The following MVB12B variants were observed in gnomAD, a reference collection of about 807,000 sequenced individuals.
MVB12B encodes the protein ESCRT-I complex subunit MVB12B.
A neutral mutation model predicts 41.6 loss-of-function variants in MVB12B; 16 were observed. The observed-to-expected ratio is 0.38, with a 90% CI of 0.26 to 0.58. The LOEUF (loss-of-function observed/expected upper bound fraction) is 0.58, where lower values mean the gene tolerates loss of function less well. Ranked by LOEUF, MVB12B falls within the 20% of genes least tolerant of loss-of-function variation. The probability of loss-of-function intolerance (pLI) is 0.62; values close to 1 mark genes in which losing one functional copy is unlikely to be tolerated. For synonymous variants in MVB12B, 133 were observed against 139.7 expected (o/e 0.95, Z 0.34); for missense variants, 274 against 380.2 (o/e 0.72, Z 2.32).
At chr9:126,356,578 AG>A (rs938123523) in intron 2 of MVB12B, among the ~76,000 whole-genome samples, 1 of 152,084 alleles carries the variant, frequency 6.6e-6, no homozygotes, top group Non-Finnish European at 1.5e-5. Context: ...CACCCCTAAA[AG>A]GTTCCTCCTA....
chr9:126,502,263 G>C (rs763601001), intron 9 of MVB12B, among the ~76,000 whole-genome samples: 4 of 152,134 alleles, frequency 2.6e-5, no homozygotes, highest in South Asian at 4.2e-4. Flanking sequence ...CGGCCAGGCA[G>C]CTGCCAGCCC....
At chr9:126,393,979 T>C (rs1831032849) in intron 5 of MVB12B, among the ~76,000 whole-genome samples, 1 of 152,246 alleles carries the variant, frequency 6.6e-6, no homozygotes, top group South Asian at 2.1e-4. Context: ...CCTCGTGGCA[T>C]TTGCTTGAAG....
chr9:126,397,377 GC>G, intron 6 of MVB12B: 1 of 985,474 alleles, frequency 1.0e-6, no homozygotes, highest in Non-Finnish European at 1.2e-6. Context: ...GCCACCGGCA[GC>G]CTGGTGGGTT....
chr9:126,481,105 G>T, intron 7 of MVB12B: 1 of 485,458 alleles, frequency 2.1e-6, no homozygotes, highest in South Asian at 2.7e-5. Flanking sequence ...TGGACCAGCC[G>T]CTCTCTGCTC....
intron 7 of MVB12B, among the ~76,000 whole-genome samples, chr9:126,429,009 G>A (rs570004806): frequency 2.6e-5 from 4 of 152,172 alleles, no homozygotes; most frequent in Non-Finnish European, 4.4e-5. Context: ...GTGGGTGAGC[G>A]TATGGGAGGG....
At chr9:126,338,262 G>A (rs1829342032) in intron 1 of MVB12B, among the ~76,000 whole-genome samples, 1 of 152,238 alleles carries the variant, frequency 6.6e-6, no homozygotes, top group Admixed American at 6.5e-5. Context: ...GGCCAGGCCC[G>A]GCTCCTTTGT....
At chr9:126,342,752 C>CGG (rs1564281218) in intron 2 of MVB12B, among the ~76,000 whole-genome samples, 1 of 152,092 alleles carries the variant, frequency 6.6e-6, no homozygotes, top group Admixed American at 6.5e-5. Flanking sequence ...TCAAGGAAGG[C>CGG]GGGGAGGGCA....
rs1389681125 is a variant in MVB12B, at chr9:126,389,297, G to T, written c.409+2639G>T. 6.6e-6 allele frequency among the ~76,000 whole-genome samples: 1 copy of T among 152,148 alleles called. No individual in the cohort carries two copies. Among genetic ancestry groups the T allele is most frequent in the Non-Finnish European group, 1.5e-5 (1 of 68,022 alleles). On this transcript the variant is annotated intron_variant, in intron 4 of 9. Coordinates refer to ENST00000361171, the MANE Select transcript of MVB12B (RefSeq NM_033446.3). The surrounding 1 kb of genome is among the most constrained non-coding windows in gnomAD (Gnocchi z 4.4). ...CCCAAGCTGGCCACATAAGCCTTATGATCAGCTCTGTATCATCTGAGAGTA... is the reference window on the plus strand; with the variant it reads ...CCCAAGCTGGCCACATAAGCCTTATTATCAGCTCTGTATCATCTGAGAGTA...
intron 4 of MVB12B, among the ~76,000 whole-genome samples, chr9:126,387,034 C>T (rs12343353): frequency 0.017 from 2,633 of 152,096 alleles, 63 homozygotes; most frequent in African/African-American, 0.05. Context: ...AAAAGACGCC[C>T]AGAGAACACA....
chr9:126,462,551 A>G (rs184426308), intron 7 of MVB12B, among the ~76,000 whole-genome samples: 127 of 152,362 alleles, frequency 8.3e-4, no homozygotes, highest in Middle Eastern at 6.8e-3. Context: ...GAAAGGAACA[A>G]GTGCTTATTA....
rs1286789254 is a variant in MVB12B at position 126,506,154 on chromosome 9, T to G, written c.*2891T>G. 1.3e-5 allele frequency: 2 copies of G among 152,524 alleles called. No individual in the cohort carries two copies. Among genetic ancestry groups the G allele is most frequent in the East Asian group, 3.9e-4 (2 of 5,186 alleles). The allele number at this position is 152,524 out of a possible 1,614,324, so 9.4% of individuals were successfully genotyped here. A position where few individuals can be genotyped will look rare whatever the true frequency, so the allele number is the denominator to read the frequency against. On this transcript the variant is annotated 3_prime_UTR_variant, in exon 10 of 10. Transcript: ENST00000361171. ...AAATGCCAGCCACGTCCTCCGCCAC[T>G]TGGAGAGATGAGAACCCAGTGGGGT...
intron 2 of MVB12B, among the ~76,000 whole-genome samples, chr9:126,355,566 T>C (rs948062364): frequency 2.9e-4 from 44 of 152,358 alleles, no homozygotes; most frequent in African/African-American, 1.0e-3. Context: ...GCCTGCTGGC[T>C]TCAAATGATT....
intron 2 of MVB12B, among the ~76,000 whole-genome samples, chr9:126,364,873 T>C (rs1244769582): frequency 1.3e-5 from 2 of 151,798 alleles, no homozygotes; most frequent in Admixed American, 6.6e-5. Flanking sequence ...TGCCTCAGCC[T>C]CCCAAGTAGC....
chr9:126,479,261 G>A (rs142232411), intron 7 of MVB12B, among the ~76,000 whole-genome samples: 50 of 152,196 alleles, frequency 3.3e-4, no homozygotes, highest in Middle Eastern at 3.4e-3. Context: ...TAAAATGATC[G>A]GAAGTGTTAC....
intron 1 of MVB12B, among the ~76,000 whole-genome samples, chr9:126,338,890 T>C (rs1486533155): frequency 1.3e-5 from 2 of 152,248 alleles, no homozygotes; most frequent in Admixed American, 1.3e-4. Context: ...TAGTGCCTAC[T>C]GTGTGCAGGA....
In MVB12B at chr9:126,406,039, G is replaced by T. The variant is rs373183621; in HGVS notation, c.662+10342G>T. 8.0e-5 allele frequency among the ~76,000 whole-genome samples: 12 copies of T among 150,544 alleles called. No individual in the cohort carries two copies. In the South Asian group the frequency reaches 2.5e-3, roughly 32 times the overall value. ...TGTGTCCTCATTTTATTTTGTTTTG[G>T]TTTTGTGGGGGGTTTTTTTTTTTGA... is the stretch of plus-strand genomic sequence containing the variant. On this transcript the variant is annotated intron_variant, in intron 6 of 9. Coordinates refer to ENST00000361171, the MANE Select transcript of MVB12B (RefSeq NM_033446.3).
intron 9 of MVB12B, among the ~76,000 whole-genome samples, chr9:126,500,955 G>A (rs1205963284): frequency 6.6e-6 from 1 of 152,230 alleles, no homozygotes; most frequent in African/African-American, 2.4e-5. Context: ...CCCCTCCTCT[G>A]CTACCTTGGG....
chr9:126,479,828 T>C (rs1370477492), intron 7 of MVB12B, among the ~76,000 whole-genome samples: 3 of 152,210 alleles, frequency 2.0e-5, no homozygotes, highest in African/African-American at 7.2e-5. Flanking sequence ...TTCCCTAAAA[T>C]AAAGTGTGAG....
At position 126,445,801 on chromosome 9, in the gene MVB12B, G is replaced by GT. The variant is rs202153097; in HGVS notation, c.757+23861dup. Among the ~76,000 whole-genome samples, 36 of 151,718 alleles carry GT rather than the reference G, an allele frequency of 2.4e-4. No individual in the cohort carries two copies. The East Asian group carries it at 5.8e-3, about 24-fold the overall frequency. On this transcript the variant is annotated intron_variant, in intron 7 of 9. Coordinates refer to ENST00000361171, the MANE Select transcript of MVB12B (RefSeq NM_033446.3). Reference sequence around the variant, plus strand: ...TTCTGCCACTCCACCTGGCCCTGTTGTTTTTTTTAATCTTCATTTGGTAAC... The same window carrying GT: ...TTCTGCCACTCCACCTGGCCCTGTTGTTTTTTTTTAATCTTCATTTGGTAAC...
Sources: gnomAD v4.1 joint callset for allele counts (sites outside exome capture counted in the v4.1 genomes callset) on GRCh38, gnomAD v4.1.1 for gene constraint, Gnocchi (gnomAD v3.1) non-coding constraint, MANE v1.5 for transcripts, NCBI Gene and HGNC (gene_info 2026-07-23, HGNC 2026-07-21) for gene names.